Variants in CCDC83 observed in about 807,000 individuals in gnomAD.
CCDC83 encodes the protein coiled-coil domain-containing protein 83.
CCDC83 carries 54 observed loss-of-function variants against 50.1 expected under a neutral mutation model. The observed-to-expected ratio is 1.08, with a 90% confidence interval of 0.87 to 1.35. CCDC83 has a LOEUF of 1.35. Ranked by LOEUF, CCDC83 falls within the 40% of genes most tolerant of loss-of-function variation. The probability of loss-of-function intolerance (pLI) is 0.00; values close to 1 mark genes in which losing one functional copy is unlikely to be tolerated. For missense variants in CCDC83, 518 were observed against 473.9 expected (o/e 1.09, Z -0.86); for synonymous variants, 161 against 153.3 (o/e 1.05, Z -0.37).
intron 5 of CCDC83, among the ~76,000 whole-genome samples, chr11:85,892,310 C>T (rs772648393): frequency 3.3e-5 from 5 of 152,152 alleles, no homozygotes; most frequent in Non-Finnish European, 5.9e-5. Flanking sequence ...CGAGCTTTTA[C>T]GAGGAGACTT....
intron 10 of CCDC83, among the ~76,000 whole-genome samples, chr11:85,919,111 G>A (rs1592209580): frequency 6.6e-6 from 1 of 152,180 alleles, no homozygotes; most frequent in Non-Finnish European, 1.5e-5. Context: ...CTTGCTGCCT[G>A]CTTTTGGAAG....
chr11:85,876,623 G>C (rs907888887), intron 3 of CCDC83, among the ~76,000 whole-genome samples: 1 of 152,214 alleles, frequency 6.6e-6, no homozygotes, highest in Non-Finnish European at 1.5e-5. Context: ...TCGTGCCTCA[G>C]CCACCCAAAT....
chr11:85,918,911 C>A (rs768684543), intron 10 of CCDC83, among the ~76,000 whole-genome samples: 1 of 152,228 alleles, frequency 6.6e-6, no homozygotes, highest in Non-Finnish European at 1.5e-5. Flanking sequence ...TTTATCTGTA[C>A]ATATCTGCTT....
chr11:85,856,706 G>C (rs1339881905), intron 1 of CCDC83, among the ~76,000 whole-genome samples: 1 of 152,116 alleles, frequency 6.6e-6, no homozygotes, highest in Non-Finnish European at 1.5e-5. Flanking sequence ...CACTCATCTA[G>C]ATATTTTTAA....
At chr11:85,909,998 C>T (rs867264516) in intron 7 of CCDC83, among the ~76,000 whole-genome samples, 1 of 152,148 alleles carries the variant, frequency 6.6e-6, no homozygotes, top group African/African-American at 2.4e-5. Context: ...TCCTCTCCTG[C>T]TTCTCCCCAT....
At chr11:85,890,715 A>G (rs1390599338) in intron 5 of CCDC83, among the ~76,000 whole-genome samples, 1 of 152,204 alleles carries the variant, frequency 6.6e-6, no homozygotes, top group Non-Finnish European at 1.5e-5. Context: ...TCTTCCCTTC[A>G]GCACTGAGAG....
intron 8 of CCDC83, chr11:85,912,566 C>T (rs2093459479): frequency 1.3e-5 from 10 of 795,690 alleles, no homozygotes; most frequent in Non-Finnish European, 2.0e-5. Flanking sequence ...TGAGCTGATG[C>T]CCTAGAGGGC....
chr11:85,882,473 T>C (rs775852377), intron 3 of CCDC83, 40 bp from the exon 4 acceptor site: 5 of 1,602,366 alleles, frequency 3.1e-6, no homozygotes, highest in Admixed American at 1.7e-5. Flanking sequence ...ATAGTGTACA[T>C]AGTTGATCAA....
At chr11:85,881,303 G>A (rs1266161952) in intron 3 of CCDC83, among the ~76,000 whole-genome samples, 4 of 151,942 alleles carry the variant, frequency 2.6e-5, no homozygotes, top group Non-Finnish European at 4.4e-5. Context: ...AACCAGGGAA[G>A]TGGAGGTTGC....
intron 1 of CCDC83, 126 bp downstream of exon 1, chr11:85,855,710 C>T (rs2093135471): frequency 6.6e-6 from 1 of 152,358 alleles, no homozygotes; most frequent in South Asian, 2.1e-4. Flanking sequence ...TTTGGAGCCT[C>T]ATAGCCCGGA....
chr11:85,892,808 A>T (rs992332364), intron 5 of CCDC83, among the ~76,000 whole-genome samples: 1 of 152,256 alleles, frequency 6.6e-6, no homozygotes, highest in African/African-American at 2.4e-5. Context: ...GTTTGGAAGG[A>T]TTAAAATATT....
At chr11:85,917,159 A>AGGGG (rs1229157575) in intron 10 of CCDC83, among the ~76,000 whole-genome samples, 1 of 101,720 alleles carries the variant, frequency 9.8e-6, no homozygotes, top group East Asian at 2.5e-4. Context: ...AGAGAGAGAG[A>AGGGG]GAGAGAGAGA....
intron 2 of CCDC83, among the ~76,000 whole-genome samples, chr11:85,866,203 T>C (rs567810064): frequency 7.9e-5 from 12 of 152,348 alleles, no homozygotes; most frequent in African/African-American, 2.9e-4. Context: ...ACAGAATTAA[T>C]AGATAAGTGT....
chr11:85,865,832 G>A (rs934445406), intron 2 of CCDC83, among the ~76,000 whole-genome samples: 2 of 151,196 alleles, frequency 1.3e-5, no homozygotes, highest in Non-Finnish European at 2.9e-5. Flanking sequence ...ACGTTGCAGT[G>A]AGCCAAGATC....
intron 2 of CCDC83, among the ~76,000 whole-genome samples, chr11:85,868,497 C>T (rs1439923115): frequency 6.6e-6 from 1 of 152,186 alleles, no homozygotes; most frequent in African/African-American, 2.4e-5. Context: ...ACCTCAGCCT[C>T]CCCAGTAGCT....
At position 85,916,072 on chromosome 11, in the gene CCDC83, T is replaced by G; in HGVS notation, c.919T>G (p.Leu307Val). The G allele has an allele frequency of 6.2e-7, 1 of 1,613,230 alleles. No individual in the cohort carries two copies. The highest frequency in any genetic ancestry group is 8.5e-7 in the Non-Finnish European group (1 of 1,179,470). Residue 307 changes from leucine to valine, a missense_variant, in exon 10 of 11, where the codon TTG becomes GTG. By Grantham distance (32) the Leu-to-Val change is conservative. Coordinates refer to ENST00000342404, the MANE Select transcript of CCDC83 (RefSeq NM_001286159.2). ...LQPTEVESRD[L>V]MSSSDESTIL... ...ACCCACAGAAGTAGAAAGTAGAGACTTGATGTCCTCATCAGATGAGAGCAC... is the reference window on the plus strand; with the variant it reads ...ACCCACAGAAGTAGAAAGTAGAGACGTGATGTCCTCATCAGATGAGAGCAC...
At chr11:85,878,453 T>A (rs960961407) in intron 3 of CCDC83, among the ~76,000 whole-genome samples, 1 of 152,242 alleles carries the variant, frequency 6.6e-6, no homozygotes, top group Non-Finnish European at 1.5e-5. Context: ...TTTTGGTACT[T>A]GGCTTTTTAA....
At chr11:85,909,559 A>ATACTCTTCC (rs1361408788) in intron 7 of CCDC83, among the ~76,000 whole-genome samples, 4 of 138,510 alleles carry the variant, frequency 2.9e-5, no homozygotes, top group African/African-American at 1.1e-4. Flanking sequence ...ATTCTTCTAT[A>ATACTCTTCC]TACTCTTCCC....
In CCDC83 at chr11:85,911,545, T is replaced by C. The variant is rs961166633; in HGVS notation, c.794+143T>C. On this transcript the variant is annotated intron_variant, in intron 8 of 10. Transcript: ENST00000342404. ...AAGAAAGGGACAAAAAAAATGCTCA[T>C]GGTGAAGGTATAGGATTATTACTAT... is the stretch of plus-strand genomic sequence containing the variant. 34 of 650,678 alleles carry C rather than the reference T, an allele frequency of 5.2e-5. No individual in the cohort carries two copies. In the East Asian group the frequency reaches 6.0e-4, roughly 12 times the overall value. The allele number at this position is 650,678 out of a possible 1,614,324, so 40.3% of individuals were successfully genotyped here. A position where few individuals can be genotyped will look rare whatever the true frequency, so the allele number is the denominator to read the frequency against.
Sources: allele counts gnomAD v4.1 joint callset (sites outside exome capture counted in the v4.1 genomes callset), GRCh38; gene constraint gnomAD v4.1.1; transcripts MANE v1.5; gene names NCBI Gene and HGNC (gene_info 2026-07-23, HGNC 2026-07-21).